The following NUP85 variants were observed in gnomAD, a reference collection of about 807,000 sequenced individuals.
NUP85 encodes nucleoporin 85, also known as nuclear pore complex protein Nup85.
Under a neutral mutation model 92.8 loss-of-function variants are expected in NUP85, and 23 were observed. The ratio of observed to expected loss-of-function variants is 0.25; its 90% CI spans 0.18 to 0.35. NUP85 has a LOEUF of 0.35. Ranked by LOEUF, NUP85 falls within the 10% of genes least tolerant of loss-of-function variation. NUP85 has a pLI of 1.00. For synonymous variants in NUP85, 314 were observed against 306.9 expected (o/e 1.02, Z -0.24); for missense variants, 759 against 822.8 (o/e 0.92, Z 0.95).
At chr17:75,233,003 G>A (rs1162824476) in intron 15 of NUP85, 35 bp downstream of exon 15, 1 of 1,613,046 alleles carries the variant, frequency 6.2e-7, no homozygotes, top group Admixed American at 1.7e-5. Flanking sequence ...CCAGGGACTG[G>A]GTGGTTGAGG....
At chr17:75,213,152 A>ACTGTGTC in intron 5 of NUP85, 33 bp downstream of exon 5, 3 of 1,609,086 alleles carry the variant, frequency 1.9e-6, no homozygotes, top group Non-Finnish European at 2.5e-6. Context: ...TTTTAGCACC[A>ACTGTGTC]CTGTGTCCTG....
intron 1 of NUP85, 198 bp from the exon 2 acceptor site, chr17:75,208,329 C>T: frequency 1.8e-6 from 1 of 565,256 alleles, no homozygotes; most frequent in Non-Finnish European, 3.1e-6. Flanking sequence ...CCTGTAGTCC[C>T]AGCTACTCAG....
At chr17:75,213,882 T>G (rs1026686180) in intron 5 of NUP85, among the ~76,000 whole-genome samples, 16 of 150,324 alleles carry the variant, frequency 1.1e-4, no homozygotes, top group South Asian at 6.3e-4. Flanking sequence ...TTTTTTTTTT[T>G]TTTTTTTGAG....
In NUP85 at chr17:75,233,050, C is replaced by T. The variant is rs370352066; in HGVS notation, c.1515-8C>T. On this transcript the variant is annotated splice_polypyrimidine_tract_variant and splice_region_variant and intron_variant, in intron 15 of 18. Transcript: ENST00000245544. Reference sequence around the variant, plus strand: ...CTGCTGCTCTGATCTCTGGGCCGGGCCCTGCAGGTTCCTCAGGGATTACTG... The same window carrying T: ...CTGCTGCTCTGATCTCTGGGCCGGGTCCTGCAGGTTCCTCAGGGATTACTG... 2.5e-6 allele frequency: 4 copies of T among 1,613,900 alleles called. No individual in the cohort carries two copies. In the East Asian group the frequency reaches 8.9e-5, roughly 36 times the overall value.
chr17:75,205,811 C>T lies in NUP85; in HGVS notation c.33+17C>T, dbSNP rs771598863. ...ACAGTCACTGTAAGGGTACCCCGAA[C>T]AGGCTTGCTCGTCCTTGCGGGTTGA... On this transcript the variant is annotated intron_variant, in intron 1 of 18. Transcript: ENST00000245544. 12 of 1,613,838 alleles carry T rather than the reference C, an allele frequency of 7.4e-6. No individual in the cohort carries two copies. The South Asian group carries it at 1.2e-4, about 16-fold the overall frequency.
chr17:75,216,303 T>C (rs1333591882), intron 6 of NUP85: 1 of 155,414 alleles, frequency 6.4e-6, no homozygotes, highest in Non-Finnish European at 1.4e-5. Flanking sequence ...TTCACTCTTG[T>C]TGCCCAGGCT....
At chr17:75,223,032 C>CAAAA (rs1190240035) in intron 7 of NUP85, among the ~76,000 whole-genome samples, 5 of 48,076 alleles carry the variant, frequency 1.0e-4, no homozygotes, top group South Asian at 1.2e-3. Flanking sequence ...GACTCTGTCT[C>CAAAA]AAAAAAAAAA....
At chr17:75,220,799 G>A (rs1468929696) in intron 7 of NUP85, among the ~76,000 whole-genome samples, 3 of 150,764 alleles carry the variant, frequency 2.0e-5, no homozygotes, top group South Asian at 2.1e-4. Context: ...TAGAGATGGG[G>A]TTTCATCATG....
At chr17:75,213,906 C>G (rs1343624319) in intron 5 of NUP85, among the ~76,000 whole-genome samples, 1 of 134,522 alleles carries the variant, frequency 7.4e-6, no homozygotes, top group Non-Finnish European at 1.5e-5. Flanking sequence ...GAGTCTCTCT[C>G]TGTCGCCCAG....
chr17:75,230,705 A>G (rs112417542), intron 11 of NUP85, among the ~76,000 whole-genome samples: 3,402 of 152,204 alleles, frequency 0.022, 67 homozygotes, highest in Non-Finnish European at 0.038. Context: ...TAAGCTAGTG[A>G]CATCTGTCAC....
intron 7 of NUP85, among the ~76,000 whole-genome samples, chr17:75,223,837 T>C (rs1436147945): frequency 6.6e-6 from 1 of 152,184 alleles, no homozygotes; most frequent in East Asian, 1.9e-4. Flanking sequence ...CCTACTATTG[T>C]AGAGCTTATA....
chr17:75,233,185 G>T (rs2076144771), intron 16 of NUP85, 27 bp downstream of exon 16: 1 of 1,603,460 alleles, frequency 6.2e-7, no homozygotes, highest in African/African-American at 1.3e-5. Context: ...TGTGCCCTGT[G>T]CTTTGGGCAC....
chr17:75,210,176 C>A (rs1392087123), intron 3 of NUP85, among the ~76,000 whole-genome samples, 191 bp downstream of exon 3: 1 of 152,080 alleles, frequency 6.6e-6, no homozygotes, highest in Non-Finnish European at 1.5e-5. Context: ...TATGCAAATG[C>A]TATTGATGGG....
intron 7 of NUP85, among the ~76,000 whole-genome samples, chr17:75,219,308 G>C (rs1242265771): frequency 6.6e-6 from 1 of 152,158 alleles, no homozygotes; most frequent in Non-Finnish European, 1.5e-5. Flanking sequence ...ACAGGGTTTC[G>C]CTTTGCGGCC....
chr17:75,227,771 A>G (rs12947561), intron 11 of NUP85, among the ~76,000 whole-genome samples: 138,971 of 152,074 alleles, frequency 0.91, 64,498 homozygotes, highest in Non-Finnish European at 1. Context: ...CCAGGTAGCT[A>G]GGACTACAAG....
rs764046531 is a variant in NUP85, at chr17:75,231,867, C to T, written c.1284C>T (p.Pro428=). The part of the protein sequence containing the change: ...QLGVDYFDYC[P]ELGRVSLELH... ...GGGTCGATTACTTTGATTACTGCCC[C>T]GAGCTGGGCCGAGTCTCCCTGGAGC... The change falls in exon 14 of 19, where the codon CCC becomes CCT. Residue 428 remains proline (P), a synonymous_variant. Transcript: ENST00000245544. The surrounding 1 kb of genome is among the most constrained non-coding windows in gnomAD (Gnocchi z 4.6). The T allele has an allele frequency of 1.3e-5, 21 of 1,614,054 alleles. 1 individual carries two copies. Among genetic ancestry groups the T allele is most frequent in the South Asian group, 6.6e-5 (6 of 91,088 alleles).
intron 11 of NUP85, among the ~76,000 whole-genome samples, chr17:75,229,574 GAC>G (rs2075962400): frequency 6.6e-6 from 1 of 152,180 alleles, no homozygotes; most frequent in South Asian, 2.1e-4. Context: ...GTGAGAGAGA[GAC>G]AGAGTGAGAG....
chr17:75,226,426 C>A (rs2075796926), intron 11 of NUP85, among the ~76,000 whole-genome samples: 2 of 152,246 alleles, frequency 1.3e-5, no homozygotes, highest in Non-Finnish European at 2.9e-5. Context: ...CAACATGGCA[C>A]CTTGAACACT....
At position 75,231,455 on chromosome 17, in the gene NUP85, T is replaced by C. The variant is rs746979086; in HGVS notation, c.1178+32T>C. 1 of 1,612,752 alleles carries C rather than the reference T, an allele frequency of 6.2e-7. No homozygotes were observed. The highest frequency in any genetic ancestry group is 1.3e-5 in the African/African-American group (1 of 74,890). The stretch of plus-strand genomic sequence containing the variant: ...GGCCGGGAGGCACCGATCCTCCTCT[T>C]CTTACCACCAGGCCCCCGAGGGTGG... On this transcript the variant is annotated intron_variant, in intron 12 of 18. Coordinates refer to ENST00000245544, the MANE Select transcript of NUP85 (RefSeq NM_024844.5). The surrounding 1 kb of genome is among the most constrained non-coding windows in gnomAD (Gnocchi z 4.6).
Sources: gnomAD v4.1 joint callset for allele counts (sites outside exome capture counted in the v4.1 genomes callset) on GRCh38, gnomAD v4.1.1 for gene constraint, Gnocchi (gnomAD v3.1) non-coding constraint, MANE v1.5 for transcripts, NCBI Gene and HGNC (gene_info 2026-07-23, HGNC 2026-07-21) for gene names.